Variants in TCF7L2 observed in about 807,000 individuals in gnomAD.
TCF7L2 encodes the protein transcription factor 7-like 2.
TCF7L2 carries 23 observed loss-of-function variants against 77.9 expected under a neutral mutation model. That is an observed-to-expected ratio of 0.30 (90% CI 0.21 to 0.42). TCF7L2 has a LOEUF of 0.42. Ranked by LOEUF, TCF7L2 falls within the 10% of genes least tolerant of loss-of-function variation. The pLI is 1.00. For synonymous variants in TCF7L2, 413 were observed against 340.2 expected (o/e 1.21, Z -2.36); for missense variants, 654 against 793.1 (o/e 0.82, Z 2.11).
At chr10:112,982,774 A>G (rs1292210189) in intron 4 of TCF7L2, among the ~76,000 whole-genome samples, 28 of 152,084 alleles carry the variant, frequency 1.8e-4, no homozygotes, top group Admixed American at 1.8e-3. Flanking sequence ...ACAGGCACGC[A>G]CTACCACGCC....
At chr10:113,154,179 A>G (rs2071360896) in intron 11 of TCF7L2, among the ~76,000 whole-genome samples, 1 of 152,180 alleles carries the variant, frequency 6.6e-6, no homozygotes, top group Non-Finnish European at 1.5e-5. Flanking sequence ...AAGGAAGAGG[A>G]TGAGAAAGTG....
At chr10:113,070,591 G>T (rs556636546) in intron 5 of TCF7L2, among the ~76,000 whole-genome samples, 28 of 152,132 alleles carry the variant, frequency 1.8e-4, no homozygotes, top group African/African-American at 5.8e-4. Flanking sequence ...CTTAATCCTC[G>T]TGACATTTTG....
In TCF7L2 at chr10:112,983,625, TTGTC is replaced by T. The variant is rs567686767; in HGVS notation, c.450+19004_450+19007del. 2.9e-4 allele frequency among the ~76,000 whole-genome samples: 44 copies of T among 152,332 alleles called. 1 individual carries two copies. The South Asian group carries it at 6.8e-3, about 24-fold the overall frequency. Reference sequence around the variant, plus strand: ...TGGGCCTCTGTGGTCAGGCTATTGTTTGTCTGAGTTTGTAATAAGCGTGTAACAG... The same window carrying T: ...TGGGCCTCTGTGGTCAGGCTATTGTTTGAGTTTGTAATAAGCGTGTAACAG... On this transcript the variant is annotated intron_variant, in intron 4 of 13. Transcript: ENST00000627217.
At chr10:112,970,684 G>A (rs779065400) in intron 4 of TCF7L2, among the ~76,000 whole-genome samples, 3 of 152,120 alleles carry the variant, frequency 2.0e-5, no homozygotes, top group Admixed American at 1.3e-4. Context: ...CAGGGCGCTT[G>A]ACTTTCTCCC....
chr10:113,078,965 T>C (rs1415730386), intron 5 of TCF7L2, among the ~76,000 whole-genome samples: 2 of 152,030 alleles, frequency 1.3e-5, no homozygotes, highest in African/African-American at 2.4e-5. Context: ...CCCGAGTAGC[T>C]GGGATTACAG....
At chr10:113,041,361 G>T (rs1054219757) in intron 5 of TCF7L2, among the ~76,000 whole-genome samples, 3 of 152,156 alleles carry the variant, frequency 2.0e-5, no homozygotes, top group African/African-American at 7.2e-5. Flanking sequence ...GCTCCTATAA[G>T]GTCAAGATTT....
chr10:112,989,704 A>G (rs2042186238), intron 4 of TCF7L2, among the ~76,000 whole-genome samples: 1 of 152,030 alleles, frequency 6.6e-6, no homozygotes, highest in South Asian at 2.1e-4. Context: ...AACCTTTTCT[A>G]CCTTCTCGGA....
intron 5 of TCF7L2, among the ~76,000 whole-genome samples, chr10:113,073,099 C>CT (rs145753150): frequency 6.9e-4 from 72 of 104,002 alleles, no homozygotes; most frequent in Non-Finnish European, 1.1e-3. Flanking sequence ...AGGGCCAGGT[C>CT]GTGTGTGTGT....
At chr10:113,097,524 G>C (rs527716754) in intron 5 of TCF7L2, among the ~76,000 whole-genome samples, 1 of 151,600 alleles carries the variant, frequency 6.6e-6, no homozygotes, top group Admixed American at 6.6e-5. Context: ...ATGGTGGCAG[G>C]CACCTGTAAT....
intron 4 of TCF7L2, among the ~76,000 whole-genome samples, chr10:113,012,669 G>C (rs933588032): frequency 5.3e-5 from 8 of 152,152 alleles, no homozygotes; most frequent in African/African-American, 1.9e-4. Flanking sequence ...CTTGTCTCCA[G>C]GTCTCTTAAC....
intron 4 of TCF7L2, among the ~76,000 whole-genome samples, chr10:112,979,258 C>A (rs545361163): frequency 9.9e-5 from 15 of 152,000 alleles, no homozygotes; most frequent in African/African-American, 3.6e-4. Flanking sequence ...ACCCATAAAT[C>A]TAATGATTGG....
intron 4 of TCF7L2, among the ~76,000 whole-genome samples, chr10:113,027,279 C>T (rs1288467701): frequency 6.6e-6 from 1 of 152,046 alleles, no homozygotes. Context: ...GTTTTTGAAG[C>T]AGGAATTTGA....
chr10:113,064,461 T>G (rs2056969673), intron 5 of TCF7L2, among the ~76,000 whole-genome samples: 1 of 152,228 alleles, frequency 6.6e-6, no homozygotes, highest in African/African-American at 2.4e-5. Context: ...ATAAATTATA[T>G]AAGTATGCCT....
intron 5 of TCF7L2, among the ~76,000 whole-genome samples, chr10:113,074,368 G>A (rs2058463256): frequency 6.6e-6 from 1 of 152,118 alleles, no homozygotes; most frequent in African/African-American, 2.4e-5. Flanking sequence ...GGGCTATTAT[G>A]ATTAGCAGAT....
At chr10:113,015,158 C>T (rs1296243879) in intron 4 of TCF7L2, among the ~76,000 whole-genome samples, 2 of 152,206 alleles carry the variant, frequency 1.3e-5, no homozygotes, top group Non-Finnish European at 2.9e-5. Context: ...TGCACTCCAG[C>T]CTGGGCAACA....
intron 4 of TCF7L2, among the ~76,000 whole-genome samples, chr10:113,027,302 GT>G (rs1344253524): frequency 1.3e-5 from 2 of 152,124 alleles, no homozygotes; most frequent in Admixed American, 1.3e-4. Context: ...TGGTGTCTGG[GT>G]TTTGATAGGG....
chr10:113,165,562 A>C lies in TCF7L2; in HGVS notation c.1399A>C (p.Lys467Gln). ...TCTCTCCCCTGTTTCTAGGAGAAAAAAAAAGTGCGTTCGCTACATACAAGG... is the reference window on the plus strand; with the variant it reads ...TCTCTCCCCTGTTTCTAGGAGAAAACAAAAGTGCGTTCGCTACATACAAGG... The change falls in exon 14 of 14, where the codon AAA becomes CAA. Residue 467 changes from lysine to glutamine, a missense_variant. This residue lies in a region of TCF7L2 where 272 missense variants were observed against 215.4 expected (regional missense o/e 1.26). Transcript: ENST00000627217. 1 of 1,613,768 alleles carries C rather than the reference A, an allele frequency of 6.2e-7. No homozygotes were observed. Among genetic ancestry groups the C allele is most frequent in the Non-Finnish European group, 8.5e-7 (1 of 1,179,922 alleles).
intron 4 of TCF7L2, among the ~76,000 whole-genome samples, chr10:113,001,224 T>C (rs558789174): frequency 1.3e-5 from 2 of 152,360 alleles, no homozygotes; most frequent in East Asian, 3.9e-4. Context: ...CTGAAACTTT[T>C]ATCGTCACTG....
chr10:113,146,241 C>A, intron 8 of TCF7L2, 144 bp downstream of exon 8: 2 of 709,596 alleles, frequency 2.8e-6, no homozygotes, highest in Non-Finnish European at 4.6e-6. Context: ...GCTGTACTCC[C>A]AGAAAATCCT....
Sources: allele counts gnomAD v4.1 joint callset (sites outside exome capture counted in the v4.1 genomes callset), GRCh38; gene constraint gnomAD v4.1.1; regional missense constraint gnomAD v4.1.1; transcripts MANE v1.5; gene names NCBI Gene and HGNC (gene_info 2026-07-23, HGNC 2026-07-21).